SHB: variants seen among roughly 807,000 people sequenced by gnomAD.
The protein encoded by SHB is SH2 domain-containing adapter protein B.
SHB carries 20 observed loss-of-function variants against 52.3 expected under a neutral mutation model. The ratio of observed to expected loss-of-function variants is 0.38; its 90% confidence interval spans 0.27 to 0.56. The LOEUF is 0.56. Ranked by LOEUF, SHB falls within the 20% of genes least tolerant of loss-of-function variation. The pLI, the probability that SHB is intolerant of heterozygous loss-of-function variation, is 0.71. For synonymous variants in SHB, 397 were observed against 316.5 expected, an observed-to-expected ratio of 1.25 and a Z score of -2.70; for missense variants, 825 against 723.3, an observed-to-expected ratio of 1.14 and a Z score of -1.61.
chr9:38,053,280 G>C (rs1395692707), intron 1 of SHB, among the ~76,000 whole-genome samples: 2 of 151,466 alleles, frequency 1.3e-5, no homozygotes, highest in African/African-American at 4.9e-5. Flanking sequence ...CTCTGTTACC[G>C]AGGCTGGAGT....
At chr9:37,957,364 G>A (rs371075931) in intron 3 of SHB, among the ~76,000 whole-genome samples, 4 of 152,342 alleles carry the variant, frequency 2.6e-5, no homozygotes, top group African/African-American at 9.6e-5. Flanking sequence ...GTAACGTGCT[G>A]TCTGCTGAAA....
At chr9:37,966,866 C>T (rs925620840) in intron 3 of SHB, among the ~76,000 whole-genome samples, 1 of 152,216 alleles carries the variant, frequency 6.6e-6, no homozygotes, top group Admixed American at 6.5e-5. Context: ...GTGCCCTACA[C>T]ACACAATGGT....
At chr9:38,037,305 T>C (rs1217961267) in intron 1 of SHB, among the ~76,000 whole-genome samples, 1 of 152,174 alleles carries the variant, frequency 6.6e-6, no homozygotes, top group Non-Finnish European at 1.5e-5. Context: ...CTTACCTCCA[T>C]ATAGGCCCAT....
Position 37,974,855 on chromosome 9 carries a change from G to C in SHB, c.839-18C>G. 6.2e-7 allele frequency: 1 copy of C among 1,604,606 alleles called. No homozygotes were observed. The highest frequency in any genetic ancestry group is 8.5e-7 in the Non-Finnish European group (1 of 1,171,428). On this transcript the variant is annotated intron_variant, in intron 2 of 5. Coordinates refer to ENST00000377707, the MANE Select transcript of SHB (RefSeq NM_003028.3). ...CTGAAATTCTGCAGGCAAAAAGGAA[G>C]GAAGCAGAGATGAAATGGATACTGC...
intron 1 of SHB, among the ~76,000 whole-genome samples, chr9:38,019,881 A>G (rs1007417090): frequency 6.6e-5 from 10 of 152,206 alleles, no homozygotes; most frequent in African/African-American, 2.4e-4. Flanking sequence ...AACATTATGC[A>G]GCAGGCTGAA....
Position 38,013,472 on chromosome 9 carries a change from C to T in SHB, c.838+2539G>A, listed in dbSNP as rs1369028636. Among the ~76,000 whole-genome samples the T allele has an allele frequency of 2.0e-5, 3 of 152,312 alleles. No individual in the cohort carries two copies. In the East Asian group the frequency reaches 5.8e-4, roughly 29 times the overall value. On this transcript the variant is annotated intron_variant, in intron 2 of 5. Coordinates refer to ENST00000377707, the MANE Select transcript of SHB (RefSeq NM_003028.3). ...CAAGAAAATTAGCCTGGCACGGTGG[C>T]ACGTGCCTATGGTCTCAACTACTCA...
chr9:38,032,299 C>T (rs758905451), intron 1 of SHB, among the ~76,000 whole-genome samples: 3 of 152,206 alleles, frequency 2.0e-5, no homozygotes, highest in Non-Finnish European at 2.9e-5. Flanking sequence ...AGGAACCCTG[C>T]CAAGGCCTCA....
intron 1 of SHB, among the ~76,000 whole-genome samples, chr9:38,054,917 G>A (rs1271093829): frequency 6.6e-6 from 1 of 152,214 alleles, no homozygotes; most frequent in Non-Finnish European, 1.5e-5. Flanking sequence ...CAGCATGGAT[G>A]GAAGAGAGTT....
In SHB at chr9:38,068,067, G is replaced by A; in HGVS notation, c.579C>T (p.Gly193=). Residue 193 remains glycine (G), a synonymous_variant, in exon 1 of 6, where the codon GGC becomes GGT. Transcript: ENST00000377707. ...HRLIKVESAA[G]GGAGDPLGGA... ...CCCCCAGGGGGTCCCCGGCCCCACC[G>A]CCCGCGGCGCTCTCCACTTTGATGA... 2.0e-6 allele frequency: 3 copies of A among 1,490,824 alleles called. No individual in the cohort carries two copies. Among genetic ancestry groups the A allele is most frequent in the South Asian group, 1.3e-5 (1 of 76,728 alleles). 92.3% of individuals were successfully genotyped at this position (1,490,824 alleles called of 1,614,324 possible). A position where few individuals can be genotyped will look rare whatever the true frequency, so the allele number is the denominator to read the frequency against.
intron 1 of SHB, among the ~76,000 whole-genome samples, chr9:38,033,995 G>A (rs576843914): frequency 4.1e-4 from 62 of 152,318 alleles, no homozygotes; most frequent in African/African-American, 1.4e-3. Context: ...TGATGAATGA[G>A]CTCGGGTAAT....
At chr9:38,060,646 A>G (rs1014793909) in intron 1 of SHB, among the ~76,000 whole-genome samples, 1 of 152,192 alleles carries the variant, frequency 6.6e-6, no homozygotes, top group Non-Finnish European at 1.5e-5. Context: ...ATGTATAATA[A>G]AAGTATTAGC....
chr9:38,057,481 TA>T (rs1212520944), intron 1 of SHB, among the ~76,000 whole-genome samples: 21 of 152,218 alleles, frequency 1.4e-4, no homozygotes, highest in Non-Finnish European at 2.6e-4. Flanking sequence ...AGTCAAAAGA[TA>T]AATGTGGAAC....
At chr9:37,923,378 T>C (rs1832206235) in intron 5 of SHB, among the ~76,000 whole-genome samples, 1 of 152,196 alleles carries the variant, frequency 6.6e-6, no homozygotes, top group Non-Finnish European at 1.5e-5. Context: ...CAAGGGGCTG[T>C]GCCGAGGATT....
Position 38,049,007 on chromosome 9 carries a change from G to A in SHB, c.717+18922C>T, listed in dbSNP as rs72726047. On this transcript the variant is annotated intron_variant, in intron 1 of 5. Transcript: ENST00000377707. ...CAGGCACCTTCTCAGCTCATCTCAA[G>A]ACAGAAACGAACATCCTTTTTATTT... is the stretch of plus-strand genomic sequence containing the variant. 8.7e-3 allele frequency among the ~76,000 whole-genome samples: 1,331 copies of A among 152,224 alleles called. 8 individuals carry two copies. Among genetic ancestry groups the A allele is most frequent in the Non-Finnish European group, 0.014 (940 of 68,008 alleles).
chr9:37,948,795 G>C (rs750662394), intron 4 of SHB, 41 bp from the exon 5 acceptor site: 4 of 1,610,858 alleles, frequency 2.5e-6, no homozygotes, highest in Non-Finnish European at 3.4e-6. Flanking sequence ...CAGCGCGATG[G>C]GATTCCCATG....
intron 2 of SHB, among the ~76,000 whole-genome samples, chr9:37,980,409 G>A (rs894828362): frequency 6.6e-5 from 10 of 152,210 alleles, no homozygotes; most frequent in African/African-American, 2.4e-4. Context: ...ATTTGTTCAA[G>A]TTTGATCATA....
intron 5 of SHB, chr9:37,936,872 G>A (rs1832378187): frequency 6.6e-6 from 1 of 152,202 alleles, no homozygotes; most frequent in Non-Finnish European, 1.5e-5. Flanking sequence ...CCCTAGCCAA[G>A]TTGGGACCTT....
At chr9:38,047,542 G>C (rs1352674455) in intron 1 of SHB, among the ~76,000 whole-genome samples, 1 of 152,238 alleles carries the variant, frequency 6.6e-6, no homozygotes, top group Non-Finnish European at 1.5e-5. Flanking sequence ...CTCTGGAACT[G>C]CAACATTCCT....
chr9:37,998,138 C>G (rs1335000699), intron 2 of SHB, among the ~76,000 whole-genome samples: 1 of 152,104 alleles, frequency 6.6e-6, no homozygotes, highest in East Asian at 1.9e-4. Flanking sequence ...CGGGGATTTA[C>G]AGCATTCCTG....
Sources: gnomAD v4.1 joint callset for allele counts (sites outside exome capture counted in the v4.1 genomes callset) on GRCh38, gnomAD v4.1.1 for gene constraint, MANE v1.5 for transcripts, NCBI Gene and HGNC (gene_info 2026-07-23, HGNC 2026-07-21) for gene names.